Variants in CREB3L2 observed in about 807,000 individuals in gnomAD.
CREB3L2 encodes the protein cAMP responsive element binding protein 3 like 2.
A neutral mutation model predicts 57.2 loss-of-function variants in CREB3L2; 23 were observed. That is an observed-to-expected ratio of 0.40 (90% confidence interval 0.29 to 0.57). The LOEUF is 0.57. Ranked by LOEUF, CREB3L2 falls within the 20% of genes least tolerant of loss-of-function variation. The pLI, the probability that CREB3L2 is intolerant of heterozygous loss-of-function variation, is 0.42. For missense variants in CREB3L2, 628 were observed against 634.7 expected (o/e 0.99, Z 0.11); for synonymous variants, 268 against 265.1 (o/e 1.01, Z -0.11).
intron 7 of CREB3L2, among the ~76,000 whole-genome samples, chr7:137,901,887 A>AAAAG (rs1554495250): frequency 2.7e-5 from 4 of 148,818 alleles, no homozygotes; most frequent in African/African-American, 1.0e-4. Flanking sequence ...AAAAAAAAAA[A>AAAAG]AAAAAGAAAA....
At chr7:137,889,540 A>T (rs1485396158) in intron 8 of CREB3L2, among the ~76,000 whole-genome samples, 1 of 152,230 alleles carries the variant, frequency 6.6e-6, no homozygotes, top group Non-Finnish European at 1.5e-5. Context: ...GTTTTAAAAT[A>T]CACATTTTTA....
chr7:137,958,605 T>A (rs1376022919), intron 1 of CREB3L2, among the ~76,000 whole-genome samples: 1 of 152,256 alleles, frequency 6.6e-6, no homozygotes, highest in Non-Finnish European at 1.5e-5. Flanking sequence ...AAAGCTGTAT[T>A]TGAGGAACTC....
chr7:137,967,354 G>A (rs1333934529), intron 1 of CREB3L2, among the ~76,000 whole-genome samples: 1 of 152,138 alleles, frequency 6.6e-6, no homozygotes, highest in Non-Finnish European at 1.5e-5. Flanking sequence ...GCTCATTATC[G>A]GGACATCATT....
rs1442106601 is a variant in CREB3L2 at position 137,875,212 on chromosome 7, A to G, written c.*5264T>C. ...ACACTGCTGGTCTACGTAACCTGTTACAAAAGAGAGCAAAACCTAACTGTC... is the reference window on the plus strand; with the variant it reads ...ACACTGCTGGTCTACGTAACCTGTTGCAAAAGAGAGCAAAACCTAACTGTC... On this transcript the variant is annotated 3_prime_UTR_variant, in exon 12 of 12. Coordinates refer to ENST00000330387, the MANE Select transcript of CREB3L2 (RefSeq NM_194071.4). The G allele has an allele frequency of 4.7e-6, 1 of 214,538 alleles. No individual in the cohort carries two copies. Among genetic ancestry groups the G allele is most frequent in the Admixed American group, 5.9e-5 (1 of 17,060 alleles). The allele number at this position is 214,538 out of a possible 1,614,324, so 13.3% of individuals were successfully genotyped here.
At chr7:137,929,164 C>G (rs1461802932) in intron 1 of CREB3L2, among the ~76,000 whole-genome samples, 1 of 152,064 alleles carries the variant, frequency 6.6e-6, no homozygotes, top group Non-Finnish European at 1.5e-5. Context: ...CTTTCCAGCC[C>G]CCACCATGCT....
chr7:137,989,752 A>G (rs556435334), intron 1 of CREB3L2, among the ~76,000 whole-genome samples: 1 of 152,146 alleles, frequency 6.6e-6, no homozygotes, highest in South Asian at 2.1e-4. Context: ...AAGTGAACTC[A>G]TTATCTTCCC....
At chr7:137,909,695 A>G (rs1163469342) in intron 4 of CREB3L2, among the ~76,000 whole-genome samples, 1 of 152,116 alleles carries the variant, frequency 6.6e-6, no homozygotes, top group Non-Finnish European at 1.5e-5. Context: ...CATACTATGG[A>G]TGGGAAGGGC....
intron 1 of CREB3L2, among the ~76,000 whole-genome samples, chr7:137,982,380 A>G (rs1801725835): frequency 6.6e-6 from 1 of 152,046 alleles, no homozygotes; most frequent in Admixed American, 6.5e-5. Flanking sequence ...CCCCAGTGCT[A>G]TGGGGTTGAA....
chr7:137,993,505 ATTTG>A (rs1480840876), intron 1 of CREB3L2, among the ~76,000 whole-genome samples: 2 of 152,194 alleles, frequency 1.3e-5, no homozygotes, highest in Non-Finnish European at 1.5e-5. Flanking sequence ...TCCAGAGTTT[ATTTG>A]TTTGTTTGCT....
chr7:137,979,756 A>G (rs1203450149), intron 1 of CREB3L2, among the ~76,000 whole-genome samples: 1 of 148,082 alleles, frequency 6.8e-6, no homozygotes, highest in Non-Finnish European at 1.5e-5. Context: ...CAACAACAAC[A>G]ACAACAACAA....
chr7:137,919,218 C>G (rs1166081081), intron 2 of CREB3L2, among the ~76,000 whole-genome samples: 9 of 150,792 alleles, frequency 6.0e-5, no homozygotes, highest in African/African-American at 2.2e-4. Flanking sequence ...ATCACCCAGG[C>G]TGGAGTGCAG....
intron 1 of CREB3L2, chr7:137,956,548 A>G (rs899139983): frequency 8.2e-7 from 1 of 1,225,212 alleles, no homozygotes; most frequent in African/African-American, 1.5e-5. Context: ...AGCTGCTTTC[A>G]AACTGCCATT....
chr7:137,909,089 G>C (rs1028853714), intron 4 of CREB3L2, among the ~76,000 whole-genome samples: 4 of 152,176 alleles, frequency 2.6e-5, no homozygotes, highest in Admixed American at 2.0e-4. Context: ...GACAGAGCGA[G>C]AATCCATCTC....
At chr7:137,994,953 C>T (rs991286823) in intron 1 of CREB3L2, among the ~76,000 whole-genome samples, 1 of 152,226 alleles carries the variant, frequency 6.6e-6, no homozygotes, top group Non-Finnish European at 1.5e-5. Flanking sequence ...GACTATTTTA[C>T]TAATGATCCC....
At chr7:137,914,580 G>T (rs1800086136) in intron 3 of CREB3L2, among the ~76,000 whole-genome samples, 1 of 152,100 alleles carries the variant, frequency 6.6e-6, no homozygotes, top group Non-Finnish European at 1.5e-5. Context: ...GCAGTGGGCT[G>T]ACATCATGCC....
chr7:137,905,793 A>G lies in CREB3L2; in HGVS notation c.824T>C (p.Ile275Thr), dbSNP rs1235280700. The G allele has an allele frequency of 2.5e-6, 4 of 1,614,144 alleles. No homozygotes were observed. The South Asian group carries it at 3.3e-5, about 13-fold the overall frequency. ...VLTEEEKRTL[I>T]AEGYPIPTKL... ...GGTGGGGATGGGATAGCCCTCAGCGATCAGGGTCCTCTTCTCCTCCTCTGT... is the reference window on the plus strand; with the variant it reads ...GGTGGGGATGGGATAGCCCTCAGCGGTCAGGGTCCTCTTCTCCTCCTCTGT... Residue 275 changes from isoleucine (I) to threonine (T), a missense_variant, in exon 6 of 12, where the codon ATC becomes ACC. By Grantham distance (89) the Ile-to-Thr change is moderately conservative. Around this residue, in one of 3 missense-constraint regions of CREB3L2, gnomAD observed 339 missense variants for 355.4 expected, o/e 0.95. Transcript: ENST00000330387.
intron 10 of CREB3L2, among the ~76,000 whole-genome samples, chr7:137,883,952 G>T (rs1262621074): frequency 6.6e-6 from 1 of 152,056 alleles, no homozygotes; most frequent in Non-Finnish European, 1.5e-5. Context: ...TCTGACACCG[G>T]AGTCCCCATA....
intron 10 of CREB3L2, among the ~76,000 whole-genome samples, chr7:137,883,361 C>A (rs1799340059): frequency 6.6e-6 from 1 of 152,162 alleles, no homozygotes; most frequent in African/African-American, 2.4e-5. Flanking sequence ...GTACAGTAGT[C>A]CTCCCTTATC....
intron 1 of CREB3L2, among the ~76,000 whole-genome samples, chr7:137,997,319 C>T (rs1299250200): frequency 6.6e-6 from 1 of 152,196 alleles, no homozygotes; most frequent in East Asian, 1.9e-4. Flanking sequence ...ACTTCCACTT[C>T]CCCAAGCTGC....
Sources: allele counts gnomAD v4.1 joint callset (sites outside exome capture counted in the v4.1 genomes callset), GRCh38; gene constraint gnomAD v4.1.1; regional missense constraint gnomAD v4.1.1; transcripts MANE v1.5; gene names NCBI Gene and HGNC (gene_info 2026-07-23, HGNC 2026-07-21).